Variants in KALRN observed in about 807,000 individuals in gnomAD.
KALRN encodes the protein kalirin.
In KALRN, 70 loss-of-function variants were observed where a neutral mutation model predicts 353.7. The observed-to-expected ratio is 0.20, with a 90% CI of 0.16 to 0.24. The LOEUF is 0.24. Ranked by LOEUF, KALRN falls within the 10% of genes least tolerant of loss-of-function variation. The pLI, the probability that KALRN is intolerant of heterozygous loss-of-function variation, is 1.00. For missense variants in KALRN, 2,791 were observed against 3,756.7 expected, an observed-to-expected ratio of 0.74 and a Z score of 6.72; for synonymous variants, 1,391 against 1,434.8, an observed-to-expected ratio of 0.97 and a Z score of 0.69.
intron 1 of KALRN, among the ~76,000 whole-genome samples, chr3:124,197,758 A>G (rs1309330585): frequency 2.0e-5 from 3 of 152,192 alleles, no homozygotes; most frequent in Non-Finnish European, 4.4e-5. Flanking sequence ...GGAGGGATTT[A>G]TCAGGAGCCT....
intron 1 of KALRN, among the ~76,000 whole-genome samples, chr3:124,142,903 G>A (rs140737977): frequency 3.3e-5 from 5 of 152,178 alleles, no homozygotes; most frequent in African/African-American, 1.2e-4. Flanking sequence ...AAGGTAGTGT[G>A]TCAGGGGATG....
Position 124,632,658 on chromosome 3 carries a change from C to G in KALRN, c.5421C>G (p.Pro1807=). ...DGRKSFDLGS[P]KPGDETTPQG... Reference sequence around the variant, plus strand: ...GGAAGAGCTTTGACCTGGGATCTCCCAAGCCTGGGGATGAAACAACCCCTC... The same window carrying G: ...GGAAGAGCTTTGACCTGGGATCTCCGAAGCCTGGGGATGAAACAACCCCTC... The change falls in exon 35 of 60, where the codon CCC becomes CCG. Residue 1807 remains proline, a synonymous_variant. Coordinates refer to ENST00000682506, the MANE Select transcript of KALRN (RefSeq NM_001388419.1). The G allele has an allele frequency of 6.2e-7, 1 of 1,614,172 alleles. No homozygotes were observed. The highest frequency in any genetic ancestry group is 8.5e-7 in the Non-Finnish European group (1 of 1,180,028).
chr3:124,108,728 A>G (rs575108215), intron 1 of KALRN, among the ~76,000 whole-genome samples: 1 of 152,354 alleles, frequency 6.6e-6, no homozygotes, highest in South Asian at 2.1e-4. Flanking sequence ...CAAGTTGAAC[A>G]TGTAGTATGA....
intron 5 of KALRN, among the ~76,000 whole-genome samples, chr3:124,289,087 T>C (rs774810225): frequency 1.3e-5 from 2 of 152,206 alleles, no homozygotes; most frequent in Non-Finnish European, 1.5e-5. Context: ...TGCTGCATCA[T>C]AACATGGCAG....
intron 1 of KALRN, among the ~76,000 whole-genome samples, chr3:124,072,866 A>T (rs1035969140): frequency 1.3e-5 from 2 of 152,238 alleles, no homozygotes; most frequent in African/African-American, 2.4e-5. Context: ...GTTGAAGCAG[A>T]AGCTGGTGGT....
chr3:124,438,588 A>G (rs1287952871), intron 17 of KALRN, among the ~76,000 whole-genome samples: 1 of 152,136 alleles, frequency 6.6e-6, no homozygotes, highest in African/African-American at 2.4e-5. Flanking sequence ...TATAATGTGT[A>G]AAAACACTGA....
At chr3:124,238,828 C>T (rs751267168) in intron 3 of KALRN, among the ~76,000 whole-genome samples, 10 of 152,242 alleles carry the variant, frequency 6.6e-5, no homozygotes, top group South Asian at 2.1e-4. Context: ...AGATGAGTCC[C>T]GTCATTTTAA....
At chr3:124,698,778 G>A (rs752467787) in intron 55 of KALRN, among the ~76,000 whole-genome samples, 48 of 152,086 alleles carry the variant, frequency 3.2e-4, no homozygotes, top group Non-Finnish European at 4.7e-4. Flanking sequence ...TAATTGTGCC[G>A]TTTAAAATTG....
intron 13 of KALRN, among the ~76,000 whole-genome samples, chr3:124,406,675 T>C (rs4677925): frequency 0.71 from 107,785 of 152,042 alleles, 38,436 homozygotes; most frequent in East Asian, 0.86. Context: ...AATCTTAACA[T>C]ATGCAACATA....
chr3:124,382,196 C>T (rs542399668), intron 10 of KALRN, among the ~76,000 whole-genome samples: 6 of 152,292 alleles, frequency 3.9e-5, no homozygotes, highest in Non-Finnish European at 8.8e-5. Flanking sequence ...AAGGAGATAG[C>T]ATGCATAAAA....
intron 3 of KALRN, among the ~76,000 whole-genome samples, chr3:124,243,218 C>A (rs2080715799): frequency 6.6e-6 from 1 of 152,174 alleles, no homozygotes; most frequent in Non-Finnish European, 1.5e-5. Flanking sequence ...GCCATGCCAC[C>A]ATTGTAGGAC....
chr3:124,148,396 T>A, intron 1 of KALRN, among the ~76,000 whole-genome samples: 1 of 152,150 alleles, frequency 6.6e-6, no homozygotes, highest in East Asian at 1.9e-4. Flanking sequence ...ACCTGTAGAT[T>A]TTGAAAACAC....
At position 124,373,129 on chromosome 3, in the gene KALRN, G is replaced by A. The variant is rs541863676; in HGVS notation, c.1771-11716G>A. Among the ~76,000 whole-genome samples the A allele has an allele frequency of 4.9e-4, 74 of 151,578 alleles. 1 individual carries two copies. Among genetic ancestry groups the A allele is most frequent in the African/African-American group, 1.7e-3 (70 of 41,336 alleles). ...CCTCCCCCTGTCCTGTGAGAACCAC[G>A]GATTAGAGGATTCCTTAAGGTTTCT... On this transcript the variant is annotated intron_variant, in intron 10 of 59. Transcript: ENST00000682506.
chr3:124,317,563 A>G lies in KALRN; in HGVS notation c.1093-8417A>G, dbSNP rs185477565. On this transcript the variant is annotated intron_variant, in intron 6 of 59. Transcript: ENST00000682506. ...CAGCTCCTAACTGCAGAGATTCTCA[A>G]ACATTAATGTGCATACCTATAACCT... 1.6e-3 allele frequency among the ~76,000 whole-genome samples: 238 copies of G among 152,274 alleles called. 1 individual carries two copies. Among genetic ancestry groups the G allele is most frequent in the Admixed American group, 3.5e-3 (53 of 15,290 alleles).
chr3:124,039,629 A>G lies in KALRN; in HGVS notation c.73+5816A>G, dbSNP rs543865229. Among the ~76,000 whole-genome samples, 3 of 152,344 alleles carry G rather than the reference A, an allele frequency of 2.0e-5. No homozygotes were observed. In the East Asian group the frequency reaches 5.8e-4, roughly 29 times the overall value. ...CTTAAACTATTGTCATGTCCAGATC[A>G]TATAGAAGGGAGATTTGGGAATAAC... is the stretch of plus-strand genomic sequence containing the variant. On this transcript the variant is annotated intron_variant, in intron 1 of 59. Coordinates refer to ENST00000682506, the MANE Select transcript of KALRN (RefSeq NM_001388419.1).
At chr3:124,164,668 A>G (rs1291642738) in intron 1 of KALRN, 3 of 152,140 alleles carry the variant, frequency 2.0e-5, no homozygotes, top group African/African-American at 7.2e-5. Context: ...AAATAAAGTT[A>G]TATTTGCTAA....
At chr3:124,674,183 TA>T (rs1364791732) in intron 48 of KALRN, among the ~76,000 whole-genome samples, 180 bp from the exon 49 acceptor site, 2 of 152,124 alleles carry the variant, frequency 1.3e-5, no homozygotes, top group African/African-American at 4.8e-5. Context: ...ACATTGCTAT[TA>T]AAAAATATAC....
chr3:124,300,514 T>A (rs1416444053), intron 6 of KALRN, among the ~76,000 whole-genome samples: 1 of 150,406 alleles, frequency 6.6e-6, no homozygotes, highest in Non-Finnish European at 1.5e-5. Context: ...CAAGGACACA[T>A]GCTGGACACA....
chr3:124,053,949 C>T (rs913493348), intron 1 of KALRN, among the ~76,000 whole-genome samples: 1 of 152,202 alleles, frequency 6.6e-6, no homozygotes, highest in African/African-American at 2.4e-5. Flanking sequence ...ACAGTGTCTG[C>T]CATGTGCAAA....
Sources: gnomAD v4.1 joint callset for allele counts (sites outside exome capture counted in the v4.1 genomes callset) on GRCh38, gnomAD v4.1.1 for gene constraint, MANE v1.5 for transcripts, NCBI Gene and HGNC (gene_info 2026-07-23, HGNC 2026-07-21) for gene names.